The following B4GALNT3 variants were observed in gnomAD, a reference collection of about 807,000 sequenced individuals.
B4GALNT3 encodes the protein beta-1,4-N-acetyl-galactosaminyltransferase 3.
In B4GALNT3, 86 loss-of-function variants were observed where a neutral mutation model predicts 120.2. That is an observed-to-expected ratio of 0.72 (90% CI 0.60 to 0.86). The LOEUF is 0.86. Among genes scored for constraint, B4GALNT3 ranks in the 40% least tolerant of loss-of-function variants. The pLI, the probability that B4GALNT3 is intolerant of heterozygous loss-of-function variation, is 0.00. For synonymous variants in B4GALNT3, 518 were observed against 510.4 expected, an observed-to-expected ratio of 1.01 and a Z score of -0.20; for missense variants, 1,167 against 1,298.9, an observed-to-expected ratio of 0.90 and a Z score of 1.56.
chr12:511,481 TTCTTCCA>T (rs1183861968), intron 1 of B4GALNT3, among the ~76,000 whole-genome samples: 1 of 80,764 alleles, frequency 1.2e-5, no homozygotes, highest in Admixed American at 1.5e-4. Context: ...TTCTTCCACC[TTCTTCCA>T]CCTTCCACCT....
At chr12:554,937 G>A (rs1565611662) in intron 14 of B4GALNT3, among the ~76,000 whole-genome samples, 1 of 151,954 alleles carries the variant, frequency 6.6e-6, no homozygotes, top group Non-Finnish European at 1.5e-5. Context: ...CAACACTTTG[G>A]GAGACCGGGG....
At position 464,630 on chromosome 12, in the gene B4GALNT3, TA is replaced by T. The variant is rs35653120; in HGVS notation, c.169+4097del. Among the ~76,000 whole-genome samples the T allele has an allele frequency of 1.7e-3, 251 of 147,650 alleles. 1 individual carries two copies. The highest frequency in any genetic ancestry group is 5.5e-3 in the African/African-American group (222 of 40,036). On this transcript the variant is annotated intron_variant, in intron 1 of 19. Coordinates refer to ENST00000266383, the MANE Select transcript of B4GALNT3 (RefSeq NM_173593.4). ...CTGAGTGACAGAGCGAGACTCTACTTAAAAAAAAAAAATGGTTTCTAGAGAT... is the reference window on the plus strand; with the variant it reads ...CTGAGTGACAGAGCGAGACTCTACTTAAAAAAAAAAATGGTTTCTAGAGAT...
intron 1 of B4GALNT3, among the ~76,000 whole-genome samples, chr12:513,073 G>C (rs1178748684): frequency 1.4e-4 from 10 of 70,046 alleles, no homozygotes; most frequent in East Asian, 3.7e-4. Context: ...TTCCACCTTT[G>C]ACCTTTCACC....
intron 1 of B4GALNT3, among the ~76,000 whole-genome samples, chr12:482,945 T>C (rs1344797088): frequency 1.3e-5 from 2 of 152,168 alleles, no homozygotes; most frequent in Non-Finnish European, 2.9e-5. Flanking sequence ...TCTCACTCTG[T>C]CACCCAGGCT....
At chr12:511,754 TCTTCCAC>T (rs1337611230) in intron 1 of B4GALNT3, among the ~76,000 whole-genome samples, 4 of 45,630 alleles carry the variant, frequency 8.8e-5, no homozygotes, top group South Asian at 9.5e-4. Flanking sequence ...CCTTCCACCT[TCTTCCAC>T]CTTCCACCTT....
In B4GALNT3 at chr12:529,233, A is replaced by T. The variant is rs143966864; in HGVS notation, c.170-5933A>T. 8.6e-5 allele frequency among the ~76,000 whole-genome samples: 13 copies of T among 151,584 alleles called. No homozygotes were observed. In the East Asian group the frequency reaches 2.5e-3, roughly 29 times the overall value. On this transcript the variant is annotated intron_variant, in intron 1 of 19. Coordinates refer to ENST00000266383, the MANE Select transcript of B4GALNT3 (RefSeq NM_173593.4). ...TGTCACCCCCACACCCACTGCTTCCACTTCTTTCTCGGGCTTACTCTCAGC... is the reference window on the plus strand; with the variant it reads ...TGTCACCCCCACACCCACTGCTTCCTCTTCTTTCTCGGGCTTACTCTCAGC...
intron 1 of B4GALNT3, among the ~76,000 whole-genome samples, chr12:533,142 T>G (rs144190775): frequency 1.3e-5 from 2 of 152,328 alleles, no homozygotes; most frequent in African/African-American, 4.8e-5. Flanking sequence ...AACCCACAAC[T>G]GCTAGCCAGC....
At chr12:533,910 A>T (rs547449197) in intron 1 of B4GALNT3, among the ~76,000 whole-genome samples, 1 of 152,316 alleles carries the variant, frequency 6.6e-6, no homozygotes, top group African/African-American at 2.4e-5. Context: ...CCTTCGGTGA[A>T]GCCCATATTC....
At chr12:507,045 A>G (rs1946504155) in intron 1 of B4GALNT3, among the ~76,000 whole-genome samples, 1 of 152,212 alleles carries the variant, frequency 6.6e-6, no homozygotes, top group Non-Finnish European at 1.5e-5. Context: ...TTCCTCTATT[A>G]TTGGCATCTT....
intron 1 of B4GALNT3, among the ~76,000 whole-genome samples, chr12:521,040 A>G (rs1317234225): frequency 6.6e-6 from 1 of 152,158 alleles, no homozygotes; most frequent in South Asian, 2.1e-4. Context: ...GTGCCTTTGC[A>G]TTAAAAACGT....
chr12:468,142 G>C (rs1946099843), intron 1 of B4GALNT3, among the ~76,000 whole-genome samples: 1 of 151,922 alleles, frequency 6.6e-6, no homozygotes, highest in Admixed American at 6.6e-5. Flanking sequence ...ACCAAATCAA[G>C]GCATAAAATA....
chr12:468,317 A>C (rs1464921189), intron 1 of B4GALNT3, among the ~76,000 whole-genome samples: 1 of 152,248 alleles, frequency 6.6e-6, no homozygotes, highest in East Asian at 1.9e-4. Flanking sequence ...GTCTGGATTT[A>C]AAAACTTAAA....
chr12:535,284 A>G lies in B4GALNT3; in HGVS notation c.273+15A>G. On this transcript the variant is annotated intron_variant, in intron 2 of 19. Coordinates refer to ENST00000266383, the MANE Select transcript of B4GALNT3 (RefSeq NM_173593.4). The stretch of plus-strand genomic sequence containing the variant: ...TGAGCCTCGAGGTAGGTGACCAGCC[A>G]GTCCATTGTCCCTGCTGATGCCTTA... 1 of 1,610,266 alleles carries G rather than the reference A, an allele frequency of 6.2e-7. No individual in the cohort carries two copies. Among genetic ancestry groups the G allele is most frequent in the South Asian group, 1.1e-5 (1 of 90,942 alleles).
rs1415839622 is a variant in B4GALNT3, at chr12:546,784, G to A, written c.707+71G>A. 4 of 1,425,562 alleles carry A rather than the reference G, an allele frequency of 2.8e-6. No individual in the cohort carries two copies. The South Asian group carries it at 3.7e-5, about 13-fold the overall frequency. The allele number at this position is 1,425,562 out of a possible 1,614,324, so 88.3% of individuals were successfully genotyped here. ...GTGGAGCCCGGCTGCGCCCCTGTCC[G>A]CCAGCCCAGCTGCCGACTCCAGAGC... On this transcript the variant is annotated intron_variant, in intron 7 of 19. Transcript: ENST00000266383.
chr12:483,010 T>A (rs1367383929), intron 1 of B4GALNT3, among the ~76,000 whole-genome samples: 3 of 152,112 alleles, frequency 2.0e-5, no homozygotes, highest in African/African-American at 4.8e-5. Flanking sequence ...TGGGTTCAAG[T>A]GATTCTTCCA....
chr12:528,957 C>T (rs1415121498), intron 1 of B4GALNT3, among the ~76,000 whole-genome samples: 1 of 152,184 alleles, frequency 6.6e-6, no homozygotes, highest in African/African-American at 2.4e-5. Flanking sequence ...TGTCTGGTGA[C>T]AGTTCTGTCT....
intron 1 of B4GALNT3, among the ~76,000 whole-genome samples, chr12:471,061 ATTTTG>A (rs986662802): frequency 1.3e-5 from 2 of 150,326 alleles, no homozygotes; most frequent in African/African-American, 4.9e-5. Flanking sequence ...TGTAAGTTTT[ATTTTG>A]TTCTATTTCA....
chr12:511,597 C>CCTTCGACCTT (rs1555154955), intron 1 of B4GALNT3, among the ~76,000 whole-genome samples: 1 of 119,820 alleles, frequency 8.3e-6, no homozygotes, highest in Non-Finnish European at 2.0e-5. Flanking sequence ...CCACCTTCCG[C>CCTTCGACCTT]CTTCCACCTT....
chr12:504,454 C>T (rs1201857633), intron 1 of B4GALNT3, among the ~76,000 whole-genome samples: 2 of 151,768 alleles, frequency 1.3e-5, no homozygotes, highest in Non-Finnish European at 2.9e-5. Context: ...CAGCCGCCCC[C>T]CCGCCCCCGA....
Sources: allele counts gnomAD v4.1 joint callset (sites outside exome capture counted in the v4.1 genomes callset), GRCh38; gene constraint gnomAD v4.1.1; transcripts MANE v1.5; gene names NCBI Gene and HGNC (gene_info 2026-07-23, HGNC 2026-07-21).